The following SPHK1 variants were observed in gnomAD, a reference collection of about 807,000 sequenced individuals.
The protein encoded by SPHK1 is SK 1.
Under a neutral mutation model 14.6 loss-of-function variants are expected in SPHK1, and 10 were observed. The ratio of observed to expected loss-of-function variants is 0.68; its 90% CI spans 0.42 to 1.16. SPHK1 has a LOEUF of 1.16. Ranked by LOEUF, SPHK1 falls within the 50% of genes most tolerant of loss-of-function variation. The probability of loss-of-function intolerance (pLI) is 0.00; values close to 1 mark genes in which losing one functional copy is unlikely to be tolerated. For missense variants in SPHK1, 553 were observed against 525.4 expected (o/e 1.05, Z -0.51); for synonymous variants, 274 against 224.0 (o/e 1.22, Z -1.99).
Position 76,387,307 on chromosome 17 carries a change from G to A in SPHK1, c.876G>A (p.Ala292=), listed in dbSNP as rs555155244. The part of the protein sequence containing the change: ...AGVMHLFYVR[A]GVSRAMLLRL... Reference sequence around the variant, plus strand: ...TCATGCATCTGTTCTACGTGCGGGCGGGAGTGTCTCGTGCCATGCTGCTGC... The same window carrying A: ...TCATGCATCTGTTCTACGTGCGGGCAGGAGTGTCTCGTGCCATGCTGCTGC... The change falls in exon 6 of 6, where the codon GCG becomes GCA. Residue 292 remains alanine (A), a synonymous_variant. Transcript: ENST00000592299. The surrounding 1 kb of genome is among the most constrained non-coding windows in gnomAD (Gnocchi z 4.1). 14 of 1,613,720 alleles carry A rather than the reference G, an allele frequency of 8.7e-6. No individual in the cohort carries two copies. The highest frequency in any genetic ancestry group is 5.0e-5 in the Admixed American group (3 of 59,998).
At position 76,385,965 on chromosome 17, in the gene SPHK1, CTT is replaced by C. The variant is rs746915055; in HGVS notation, c.11-18_11-17del. 2.3e-3 allele frequency: 3,683 copies of C among 1,588,450 alleles called. 12 individuals are homozygous for C. The highest frequency in any genetic ancestry group is 3.0e-3 in the Non-Finnish European group (3,511 of 1,165,704). On this transcript the variant is annotated intron_variant, in intron 2 of 5. Transcript: ENST00000592299. This position sits in a 1 kb window ranked among gnomAD's most constrained non-coding sequence, Gnocchi z 5.3. ...TAGTGGTCGGTTGCGGACGTGGCCT[CTT>C]TGGTTTTGTTTTCTCAGCGGGCGGC...
upstream of SPHK1, chr17:76,383,798 C>T (rs919790976): frequency 7.8e-7 from 1 of 1,279,568 alleles, no homozygotes; most frequent in Non-Finnish European, 1.0e-6. Flanking sequence ...GAGCGCGTTT[C>T]CGGCGCCCCT....
At position 76,385,809 on chromosome 17, in the gene SPHK1, G is replaced by C. The variant is rs1000206555; in HGVS notation, c.10+155G>C. 5 of 1,415,562 alleles carry C rather than the reference G, an allele frequency of 3.5e-6. No individual in the cohort carries two copies. Among genetic ancestry groups the C allele is most frequent in the African/African-American group, 2.8e-5 (2 of 70,598 alleles). 87.7% of individuals were successfully genotyped at this position (1,415,562 alleles called of 1,614,324 possible). A position where few individuals can be genotyped will look rare whatever the true frequency, so the allele number is the denominator to read the frequency against. On this transcript the variant is annotated intron_variant, in intron 2 of 5. Coordinates refer to ENST00000592299, the MANE Select transcript of SPHK1 (RefSeq NM_001142601.2). The surrounding 1 kb of genome is among the most constrained non-coding windows in gnomAD (Gnocchi z 5.3). ...GCCGGCCGAATCTGAGCCAAGGAAG[G>C]GGGTGGCAGGGGCGCCGCGTCCCCA...
rs1348449197 is a variant in SPHK1 at position 76,387,805 on chromosome 17, G to C, written c.*219G>C. 1 of 531,642 alleles carries C rather than the reference G, an allele frequency of 1.9e-6. No individual in the cohort carries two copies. Among genetic ancestry groups the C allele is most frequent in the Admixed American group, 3.5e-5 (1 of 28,486 alleles). The allele number at this position is 531,642 out of a possible 1,614,324, so 32.9% of individuals were successfully genotyped here. A position where few individuals can be genotyped will look rare whatever the true frequency, so the allele number is the denominator to read the frequency against. On this transcript the variant is annotated 3_prime_UTR_variant, in exon 6 of 6. Transcript: ENST00000592299. The surrounding 1 kb of genome is among the most constrained non-coding windows in gnomAD (Gnocchi z 4.1). ...CTGCCTATGTAAGGCCTTCTAGTTTGTTCTGAGACCCCCACCCCACGAACC... is the reference window on the plus strand; with the variant it reads ...CTGCCTATGTAAGGCCTTCTAGTTTCTTCTGAGACCCCCACCCCACGAACC...
Position 76,386,928 on chromosome 17 carries a change from T to C in SPHK1, c.497T>C (p.Val166Ala), listed in dbSNP as rs770573342. ...HTASGLRLFS[V>A]LSLAWGFIAD... ...GCTTCGGGGCTGCGCCTCTTCTCTG[T>C]GCTCAGCCTGGCCTGGGGCTTCATT... is the stretch of plus-strand genomic sequence containing the variant. Residue 166 changes from valine (V) to alanine (A), a missense_variant, in exon 6 of 6, where the codon GTG becomes GCG. By Grantham distance (64) the Val-to-Ala change is moderately conservative (BLOSUM62 0). Coordinates refer to ENST00000592299, the MANE Select transcript of SPHK1 (RefSeq NM_001142601.2). The surrounding 1 kb of genome is among the most constrained non-coding windows in gnomAD (Gnocchi z 5.3). 2 of 1,613,258 alleles carry C rather than the reference T, an allele frequency of 1.2e-6. No individual in the cohort carries two copies. Among genetic ancestry groups the C allele is most frequent in the East Asian group, 2.2e-5 (1 of 44,828 alleles).
chr17:76,384,757 C>T lies in SPHK1; in HGVS notation c.-244C>T, dbSNP rs2071931204. 1.5e-5 allele frequency: 3 copies of T among 203,932 alleles called. No individual in the cohort carries two copies. The highest frequency in any genetic ancestry group is 2.9e-5 in the Non-Finnish European group (3 of 102,212). 12.6% of individuals were successfully genotyped at this position (203,932 alleles called of 1,614,324 possible). On this transcript the variant is annotated 5_prime_UTR_variant, in exon 1 of 6. Coordinates refer to ENST00000592299, the MANE Select transcript of SPHK1 (RefSeq NM_001142601.2). ...GGGACGAGCTGCGTTCCGCCCCAGG[C>T]CACTGTAGGGAACGGCGGTGGCGCC...
chr17:76,383,867 C>T (rs753337734), upstream of SPHK1: 28 of 1,278,224 alleles, frequency 2.2e-5, 1 homozygote, highest in South Asian at 3.5e-4. Context: ...CTTTCCAATC[C>T]CGACGGGGGC....
chr17:76,385,243 C>T lies in SPHK1; in HGVS notation c.-194-208C>T. ...TCGGGCCGGAACCGAACCCCAAGCC[C>T]CAGGGAGAAAGCCCCGGAGCAGGCG... On this transcript the variant is annotated intron_variant, in intron 1 of 5. Transcript: ENST00000592299. This position sits in a 1 kb window ranked among gnomAD's most constrained non-coding sequence, Gnocchi z 5.3. 2.0e-6 allele frequency: 3 copies of T among 1,532,078 alleles called. No homozygotes were observed. Among genetic ancestry groups the T allele is most frequent in the South Asian group, 2.4e-5 (2 of 82,466 alleles). 94.9% of individuals were successfully genotyped at this position (1,532,078 alleles called of 1,614,324 possible).
Position 76,387,587 on chromosome 17 carries a change from C to A in SPHK1, c.*1C>A, listed in dbSNP as rs759395171. On this transcript the variant is annotated 3_prime_UTR_variant, in exon 6 of 6. Coordinates refer to ENST00000592299, the MANE Select transcript of SPHK1 (RefSeq NM_001142601.2). This position sits in a 1 kb window ranked among gnomAD's most constrained non-coding sequence, Gnocchi z 4.1. ...GCCACCGCCAGAAGAGCCCTTATGACCCCTGGGCCGCGCTGTGCCTTAGTG... is the reference window on the plus strand; with the variant it reads ...GCCACCGCCAGAAGAGCCCTTATGAACCCTGGGCCGCGCTGTGCCTTAGTG... 1.9e-6 allele frequency: 3 copies of A among 1,581,000 alleles called. No individual in the cohort carries two copies. The highest frequency in any genetic ancestry group is 2.6e-6 in the Non-Finnish European group (3 of 1,167,510).
rs1292139245 is a variant in SPHK1 at position 76,387,760 on chromosome 17, G to T, written c.*174G>T. 1.6e-5 allele frequency: 12 copies of T among 768,152 alleles called. No homozygotes were observed. Among genetic ancestry groups the T allele is most frequent in the Non-Finnish European group, 2.0e-6 (1 of 505,108 alleles). 47.6% of individuals were successfully genotyped at this position (768,152 alleles called of 1,614,324 possible). A position where few individuals can be genotyped will look rare whatever the true frequency, so the allele number is the denominator to read the frequency against. On this transcript the variant is annotated 3_prime_UTR_variant, in exon 6 of 6. Transcript: ENST00000592299. This position sits in a 1 kb window ranked among gnomAD's most constrained non-coding sequence, Gnocchi z 4.1. ...GCCAGAATGAAGTCCTGGGTCAGGA[G>T]CCCAGCTGGCTGGGCCCAGCTGCCT...
chr17:76,383,535 T>C (rs991176380), upstream of SPHK1: 1 of 268,016 alleles, frequency 3.7e-6, no homozygotes, highest in Admixed American at 5.3e-5. Flanking sequence ...GAGAGGTGTG[T>C]GGGGGCGGGT....
Position 76,385,293 on chromosome 17 carries a change from G to GT in SPHK1, c.-194-157dup. ...GCCCTTCTCAGGGATTGTAGGCTTAGTCACACGGCGGGGGCGCCCTCGGAG... is the reference window on the plus strand; with the variant it reads ...GCCCTTCTCAGGGATTGTAGGCTTAGTTCACACGGCGGGGGCGCCCTCGGAG... On this transcript the variant is annotated intron_variant, in intron 1 of 5. Coordinates refer to ENST00000592299, the MANE Select transcript of SPHK1 (RefSeq NM_001142601.2). The surrounding 1 kb of genome is among the most constrained non-coding windows in gnomAD (Gnocchi z 5.3). 3.4e-6 allele frequency: 5 copies of GT among 1,472,954 alleles called. No homozygotes were observed. In the South Asian group the frequency reaches 6.8e-5, roughly 20 times the overall value. 91.2% of individuals were successfully genotyped at this position (1,472,954 alleles called of 1,614,324 possible). A position where few individuals can be genotyped will look rare whatever the true frequency, so the allele number is the denominator to read the frequency against.
In SPHK1 at chr17:76,385,294, T is replaced by G; in HGVS notation, c.-194-157T>G. ...CCCTTCTCAGGGATTGTAGGCTTAG[T>G]CACACGGCGGGGGCGCCCTCGGAGG... On this transcript the variant is annotated intron_variant, in intron 1 of 5. Transcript: ENST00000592299. The surrounding 1 kb of genome is among the most constrained non-coding windows in gnomAD (Gnocchi z 5.3). 6.8e-7 allele frequency: 1 copy of G among 1,472,506 alleles called. No individual in the cohort carries two copies. The allele number at this position is 1,472,506 out of a possible 1,614,324, so 91.2% of individuals were successfully genotyped here. A position where few individuals can be genotyped will look rare whatever the true frequency, so the allele number is the denominator to read the frequency against.
chr17:76,387,617 C>T lies in SPHK1; in HGVS notation c.*31C>T, dbSNP rs1342453702. 11 of 1,536,812 alleles carry T rather than the reference C, an allele frequency of 7.2e-6. No homozygotes were observed. The highest frequency in any genetic ancestry group is 1.8e-5 in the Admixed American group (1 of 54,354). On this transcript the variant is annotated 3_prime_UTR_variant, in exon 6 of 6. Coordinates refer to ENST00000592299, the MANE Select transcript of SPHK1 (RefSeq NM_001142601.2). The surrounding 1 kb of genome is among the most constrained non-coding windows in gnomAD (Gnocchi z 4.1). ...GGGCCGCGCTGTGCCTTAGTGTCTA[C>T]TTGCAGGACCCTTCCTCCTTCCCTA...
At position 76,387,168 on chromosome 17, in the gene SPHK1, CCT is replaced by C; in HGVS notation, c.741_742del (p.His248LeufsTer23). 1 of 1,613,274 alleles carries C rather than the reference CCT, an allele frequency of 6.2e-7. No individual in the cohort carries two copies. Among genetic ancestry groups the C allele is most frequent in the Non-Finnish European group, 8.5e-7 (1 of 1,179,992 alleles). Reference sequence around the variant, plus strand: ...CTTGTGCCACTGGAGGAGCCAGTGCCCTCTCACTGGACAGTGGTGCCCGACGA... The same window carrying C: ...CTTGTGCCACTGGAGGAGCCAGTGCCCTCACTGGACAGTGGTGCCCGACGA... On this transcript the variant is annotated frameshift_variant, in exon 6 of 6. Coordinates refer to ENST00000592299, the MANE Select transcript of SPHK1 (RefSeq NM_001142601.2). LOFTEE classifies it low-confidence loss of function (END_TRUNC). This position sits in a 1 kb window ranked among gnomAD's most constrained non-coding sequence, Gnocchi z 4.1.
In SPHK1 at chr17:76,387,816, C is replaced by G. The variant is rs1225502192; in HGVS notation, c.*230C>G. ...AGGCCTTCTAGTTTGTTCTGAGACCCCCACCCCACGAACCAAATCCAAATA... is the reference window on the plus strand; with the variant it reads ...AGGCCTTCTAGTTTGTTCTGAGACCGCCACCCCACGAACCAAATCCAAATA... On this transcript the variant is annotated 3_prime_UTR_variant, in exon 6 of 6. Transcript: ENST00000592299. The surrounding 1 kb of genome is among the most constrained non-coding windows in gnomAD (Gnocchi z 4.1). 2.4e-5 allele frequency: 12 copies of G among 506,772 alleles called. No homozygotes were observed. The East Asian group carries it at 3.7e-4, about 16-fold the overall frequency. 31.4% of individuals were successfully genotyped at this position (506,772 alleles called of 1,614,324 possible). A position where few individuals can be genotyped will look rare whatever the true frequency, so the allele number is the denominator to read the frequency against.
At position 76,385,510 on chromosome 17, in the gene SPHK1, G is replaced by T; in HGVS notation, c.-135G>T. 1.9e-6 allele frequency: 3 copies of T among 1,551,490 alleles called. No individual in the cohort carries two copies. The highest frequency in any genetic ancestry group is 2.3e-5 in the South Asian group (2 of 85,554). ...TGCAGCCACGGCTCCGGGCGGGGAA[G>T]GCGAGCCCCACAGCCGGCCCTGCGA... is the stretch of plus-strand genomic sequence containing the variant. On this transcript the variant is annotated 5_prime_UTR_variant, in exon 2 of 6. The change creates a new upstream start codon in the 5' untranslated region. Transcript: ENST00000592299. The surrounding 1 kb of genome is among the most constrained non-coding windows in gnomAD (Gnocchi z 5.3).
In SPHK1 at chr17:76,387,522, G is replaced by A; in HGVS notation, c.1091G>A (p.Gly364Asp). The change falls in exon 6 of 6, where the codon GGT (glycine) becomes GAT (aspartate). Residue 364 changes from glycine to aspartate, a missense_variant. By Grantham distance (94) the Gly-to-Asp change is moderately conservative (BLOSUM62 -1). Coordinates refer to ENST00000592299, the MANE Select transcript of SPHK1 (RefSeq NM_001142601.2). The surrounding 1 kb of genome is among the most constrained non-coding windows in gnomAD (Gnocchi z 4.1). ...VHPNYFWMVS[G>D]CVEPPPSWKP... ...CCAAACTACTTCTGGATGGTCAGCG[G>A]TTGCGTGGAGCCCCCGCCCAGCTGG... The A allele has an allele frequency of 6.2e-7, 1 of 1,611,314 alleles. No homozygotes were observed. The highest frequency in any genetic ancestry group is 8.5e-7 in the Non-Finnish European group (1 of 1,179,514).
rs377616550 is a variant in SPHK1 at position 76,385,969 on chromosome 17, G to A, written c.11-16G>A. The A allele has an allele frequency of 4.4e-6, 7 of 1,590,128 alleles. No individual in the cohort carries two copies. The African/African-American group carries it at 8.1e-5, about 18-fold the overall frequency. On this transcript the variant is annotated splice_polypyrimidine_tract_variant and intron_variant, in intron 2 of 5. Transcript: ENST00000592299. The surrounding 1 kb of genome is among the most constrained non-coding windows in gnomAD (Gnocchi z 5.3). ...GGTCGGTTGCGGACGTGGCCTCTTT[G>A]GTTTTGTTTTCTCAGCGGGCGGCCC... is the stretch of plus-strand genomic sequence containing the variant.
Sources: allele counts gnomAD v4.1 joint callset, GRCh38; gene constraint gnomAD v4.1.1; non-coding constraint Gnocchi (gnomAD v3.1); transcripts MANE v1.5; gene names NCBI Gene and HGNC (gene_info 2026-07-23, HGNC 2026-07-21).